Variants in RFX4 observed in about 807,000 individuals in gnomAD.
RFX4 encodes the protein transcription factor RFX4.
RFX4 carries 10 observed loss-of-function variants against 95.0 expected under a neutral mutation model. That is an observed-to-expected ratio of 0.11 (90% confidence interval 0.06 to 0.18). The LOEUF (loss-of-function observed/expected upper bound fraction) is 0.18, where lower values mean the gene tolerates loss of function less well. Ranked by LOEUF, RFX4 falls within the 10% of genes least tolerant of loss-of-function variation. The pLI, the probability that RFX4 is intolerant of heterozygous loss-of-function variation, is 1.00. For synonymous variants in RFX4, 321 were observed against 340.7 expected, an observed-to-expected ratio of 0.94 and a Z score of 0.64; for missense variants, 640 against 922.0, an observed-to-expected ratio of 0.69 and a Z score of 3.96.
chr12:106,605,124 A>T (rs1592841503), intron 1 of RFX4, among the ~76,000 whole-genome samples: 2 of 152,198 alleles, frequency 1.3e-5, no homozygotes, highest in African/African-American at 4.8e-5. Flanking sequence ...CAGTTGTATG[A>T]TACCTCACCC....
intron 7 of RFX4, among the ~76,000 whole-genome samples, chr12:106,695,662 C>G (rs1162041955): frequency 6.6e-6 from 1 of 152,196 alleles, no homozygotes; most frequent in African/African-American, 2.4e-5. Context: ...GCTTACCACT[C>G]AGGTATCACC....
At chr12:106,599,699 C>T (rs930271472) in intron 1 of RFX4, among the ~76,000 whole-genome samples, 3 of 151,964 alleles carry the variant, frequency 2.0e-5, no homozygotes, top group Non-Finnish European at 2.9e-5. Context: ...TTCTCCACTA[C>T]ATTCTTTTTT....
intron 1 of RFX4, among the ~76,000 whole-genome samples, chr12:106,606,634 A>T (rs1411521856): frequency 1.3e-5 from 2 of 152,156 alleles, no homozygotes; most frequent in Non-Finnish European, 2.9e-5. Context: ...CAGCGTTTTA[A>T]TGTTTTGAAT....
At chr12:106,666,874 G>C (rs1325733672) in intron 4 of RFX4, among the ~76,000 whole-genome samples, 1 of 152,078 alleles carries the variant, frequency 6.6e-6, no homozygotes, top group Non-Finnish European at 1.5e-5. Context: ...TTCCTGGTCT[G>C]ATAATTCTGA....
intron 2 of RFX4, among the ~76,000 whole-genome samples, chr12:106,629,214 A>G (rs1205638196): frequency 6.6e-6 from 1 of 152,200 alleles, no homozygotes; most frequent in Non-Finnish European, 1.5e-5. Context: ...AAAAAAAAAT[A>G]CTTGCATAGT....
At chr12:106,617,992 G>GT (rs1381916429) in intron 2 of RFX4, among the ~76,000 whole-genome samples, 3 of 152,084 alleles carry the variant, frequency 2.0e-5, no homozygotes, top group Admixed American at 2.0e-4. Flanking sequence ...CTCCCAAAGT[G>GT]TTGAGATTAC....
intron 4 of RFX4, among the ~76,000 whole-genome samples, chr12:106,668,012 TGGGGCTGTGGGGAAAG>T: frequency 6.6e-6 from 1 of 152,296 alleles, no homozygotes; most frequent in Admixed American, 6.5e-5. Context: ...TTACAAAAAT[TGGGGCTGTGGGGAAAG>T]ATGTCCCCCC....
intron 5 of RFX4, among the ~76,000 whole-genome samples, chr12:106,685,203 T>C (rs1398205728): frequency 6.6e-6 from 1 of 152,036 alleles, no homozygotes; most frequent in African/African-American, 2.4e-5. Context: ...TCTATTTTAA[T>C]GGTTTTTTTT....
chr12:106,584,990 C>G (rs2039433299), intron 1 of RFX4, among the ~76,000 whole-genome samples: 1 of 152,260 alleles, frequency 6.6e-6, no homozygotes, highest in Non-Finnish European at 1.5e-5. Context: ...AGCGGGAGCC[C>G]AGAGAGAGAA....
intron 17 of RFX4, among the ~76,000 whole-genome samples, chr12:106,758,767 T>G (rs1593026619): frequency 6.6e-6 from 1 of 152,206 alleles, no homozygotes; most frequent in East Asian, 1.9e-4. Context: ...CAGGTCAGCC[T>G]CCTTTGGGAC....
In RFX4 at chr12:106,720,715, A is replaced by C. The variant is rs760598352; in HGVS notation, c.1234-44A>C. 1.3e-6 allele frequency: 2 copies of C among 1,566,894 alleles called. 1 individual carries two copies. Among genetic ancestry groups the C allele is most frequent in the South Asian group, 2.2e-5 (2 of 90,092 alleles). On this transcript the variant is annotated intron_variant, in intron 12 of 17. Transcript: ENST00000392842. The surrounding 1 kb of genome is among the most constrained non-coding windows in gnomAD (Gnocchi z 4.2). ...TTTTTCAAAGAGACAGTAATAAATG[A>C]AAGGTCAAGTCGACCACTATTAAAG... is the stretch of plus-strand genomic sequence containing the variant.
At chr12:106,591,050 T>C (rs1223388340) in intron 1 of RFX4, among the ~76,000 whole-genome samples, 1 of 152,036 alleles carries the variant, frequency 6.6e-6, no homozygotes, top group Non-Finnish European at 1.5e-5. Flanking sequence ...AGAACCAGGA[T>C]TTGAGCGGAG....
chr12:106,649,677 C>A (rs2040822320), intron 3 of RFX4, among the ~76,000 whole-genome samples: 1 of 152,192 alleles, frequency 6.6e-6, no homozygotes, highest in Non-Finnish European at 1.5e-5. Flanking sequence ...ACAAGAACAG[C>A]AAATGGAAAC....
At chr12:106,587,422 G>A (rs968829741) in intron 1 of RFX4, among the ~76,000 whole-genome samples, 1 of 152,224 alleles carries the variant, frequency 6.6e-6, no homozygotes, top group African/African-American at 2.4e-5. Context: ...GGGCAGGAGC[G>A]GGAGCCAGAG....
intron 15 of RFX4, among the ~76,000 whole-genome samples, chr12:106,738,088 T>C (rs923506954): frequency 6.6e-6 from 1 of 152,172 alleles, no homozygotes; most frequent in African/African-American, 2.4e-5. Flanking sequence ...TCTTCAAAGA[T>C]TGGGATTATT....
intron 4 of RFX4, among the ~76,000 whole-genome samples, chr12:106,660,087 T>A (rs149205985): frequency 6.6e-6 from 1 of 152,210 alleles, no homozygotes; most frequent in African/African-American, 2.4e-5. Context: ...ACTAACTCCC[T>A]CAGCACCCGG....
chr12:106,607,985 G>A (rs1425833474), intron 1 of RFX4, among the ~76,000 whole-genome samples: 1 of 152,174 alleles, frequency 6.6e-6, no homozygotes, highest in Non-Finnish European at 1.5e-5. Flanking sequence ...CTGAGGTCAG[G>A]AGTTCAAGAC....
At chr12:106,687,668 A>G (rs1299497006) in intron 6 of RFX4, among the ~76,000 whole-genome samples, 4 of 152,220 alleles carry the variant, frequency 2.6e-5, no homozygotes, top group Non-Finnish European at 5.9e-5. Context: ...GATGTTAACA[A>G]TTGGGGTGAG....
At chr12:106,759,379 T>C (rs1363899907) in intron 17 of RFX4, among the ~76,000 whole-genome samples, 1 of 152,162 alleles carries the variant, frequency 6.6e-6, no homozygotes, top group Non-Finnish European at 1.5e-5. Flanking sequence ...GGTGAGGTGA[T>C]ACCCAGGAGT....
Sources: gnomAD v4.1 joint callset for allele counts (sites outside exome capture counted in the v4.1 genomes callset) on GRCh38, gnomAD v4.1.1 for gene constraint, Gnocchi (gnomAD v3.1) non-coding constraint, MANE v1.5 for transcripts, NCBI Gene and HGNC (gene_info 2026-07-23, HGNC 2026-07-21) for gene names.